The following ALOX5AP variants were observed in gnomAD, a reference collection of about 807,000 sequenced individuals.
ALOX5AP encodes the protein arachidonate 5-lipoxygenase activating protein, also known as arachidonate 5-lipoxygenase-activating protein.
Under a neutral mutation model 18.5 loss-of-function variants are expected in ALOX5AP, and 9 were observed. That is an observed-to-expected ratio of 0.49 (90% CI 0.29 to 0.85). The LOEUF is 0.85. ALOX5AP is among the 40% of genes least tolerant of loss of function. ALOX5AP has a pLI of 0.08. For missense variants in ALOX5AP, 172 were observed against 202.5 expected, an observed-to-expected ratio of 0.85 and a Z score of 0.91; for synonymous variants, 81 against 78.6, an observed-to-expected ratio of 1.03 and a Z score of -0.16.
chr13:30,740,181 C>T (rs1951751719), intron 1 of ALOX5AP, among the ~76,000 whole-genome samples: 1 of 152,218 alleles, frequency 6.6e-6, no homozygotes, highest in Non-Finnish European at 1.5e-5. Flanking sequence ...GGCATCGACT[C>T]TGTTAGAATA....
At chr13:30,725,981 T>C (rs1951636530) in intron 1 of ALOX5AP, among the ~76,000 whole-genome samples, 1 of 152,206 alleles carries the variant, frequency 6.6e-6, no homozygotes, top group Non-Finnish European at 1.5e-5. Context: ...TATGATGCTA[T>C]TTCTCCCATT....
chr13:30,741,555 C>T (rs1273919481), intron 1 of ALOX5AP, among the ~76,000 whole-genome samples: 4 of 48,184 alleles, frequency 8.3e-5, no homozygotes, highest in African/African-American at 4.7e-4. Flanking sequence ...TCCCCACCCC[C>T]ACCCCCCAAC....
Position 30,764,044 on chromosome 13 carries a change from G to T in ALOX5AP, c.424G>T (p.Asp142Tyr). ...NYYLIFFFGS[D>Y]FENYIKTIST... is the part of the protein sequence containing the mutation. ...TTACCTCATCTTCTTTTTCGGAAGT[G>T]ACTTTGAAAACTACATAAAGACGAT... Residue 142 changes from aspartate to tyrosine, a missense_variant, in exon 5 of 5, where the codon GAC (aspartate) becomes TAC (tyrosine). By Grantham distance (160) the Asp-to-Tyr change is radical. Transcript: ENST00000380490. 4 of 1,614,050 alleles carry T rather than the reference G, an allele frequency of 2.5e-6. No homozygotes were observed. Among genetic ancestry groups the T allele is most frequent in the Non-Finnish European group, 3.4e-6 (4 of 1,179,986 alleles).
chr13:30,734,569 C>T (rs1951705888), upstream of ALOX5AP, among the ~76,000 whole-genome samples: 2 of 152,236 alleles, frequency 1.3e-5, no homozygotes, highest in South Asian at 4.1e-4. Context: ...GAATACCAGG[C>T]AGCCACCTCA....
chr13:30,731,046 G>T (rs943295580), upstream of ALOX5AP, among the ~76,000 whole-genome samples: 1 of 152,224 alleles, frequency 6.6e-6, no homozygotes, highest in Non-Finnish European at 1.5e-5. Context: ...GGGTGGGCTC[G>T]CAGCCCTGTC....
chr13:30,729,830 C>T (rs552361196), intron 1 of ALOX5AP, among the ~76,000 whole-genome samples: 22 of 152,346 alleles, frequency 1.4e-4, no homozygotes, highest in African/African-American at 5.1e-4. Flanking sequence ...CCTGCCTCGG[C>T]CTCCCACAGT....
chr13:30,732,796 T>C (rs1951691824), upstream of ALOX5AP, among the ~76,000 whole-genome samples: 1 of 150,154 alleles, frequency 6.7e-6, no homozygotes, highest in Admixed American at 6.6e-5. Context: ...AGAGGAGAGA[T>C]TGGAAGAAAG....
chr13:30,716,103 C>A (rs1318435221), intron 1 of ALOX5AP, among the ~76,000 whole-genome samples: 3 of 152,222 alleles, frequency 2.0e-5, no homozygotes, highest in Non-Finnish European at 4.4e-5. Flanking sequence ...GAGAATCCCA[C>A]GTGGAGCTAC....
At chr13:30,719,354 C>T (rs536530568) in intron 1 of ALOX5AP, among the ~76,000 whole-genome samples, 14 of 152,286 alleles carry the variant, frequency 9.2e-5, no homozygotes, top group Non-Finnish European at 1.6e-4. Context: ...ACTCACAGGG[C>T]GTGACCTCTC....
intron 2 of ALOX5AP, among the ~76,000 whole-genome samples, chr13:30,751,769 G>A (rs1367975785): frequency 6.6e-6 from 1 of 152,178 alleles, no homozygotes; most frequent in African/African-American, 2.4e-5. Context: ...CCAGGAACAG[G>A]AACCCTGCCA....
chr13:30,737,611 T>A (rs1368489258), intron 1 of ALOX5AP, among the ~76,000 whole-genome samples: 1 of 152,186 alleles, frequency 6.6e-6, no homozygotes, highest in Non-Finnish European at 1.5e-5. Context: ...GGGGGCTTCC[T>A]GGTTGAAGAG....
intron 1 of ALOX5AP, among the ~76,000 whole-genome samples, chr13:30,741,831 G>GTTTGT (rs1951768178): frequency 7.5e-6 from 1 of 133,954 alleles, no homozygotes; most frequent in Non-Finnish European, 1.6e-5. Flanking sequence ...ATGGTTTTCT[G>GTTTGT]TTTTTTTTTT....
At chr13:30,763,128 C>T (rs949749433) in intron 4 of ALOX5AP, among the ~76,000 whole-genome samples, 9 of 152,102 alleles carry the variant, frequency 5.9e-5, no homozygotes, top group African/African-American at 1.4e-4. Flanking sequence ...GCTAACATGA[C>T]GAAACCTCAT....
At chr13:30,718,730 C>T (rs569323826) in intron 1 of ALOX5AP, among the ~76,000 whole-genome samples, 13 of 152,304 alleles carry the variant, frequency 8.5e-5, no homozygotes, top group African/African-American at 3.1e-4. Flanking sequence ...CATCAGTAGC[C>T]GGGATCAGGG....
At chr13:30,745,329 G>C (rs1002145010) in intron 2 of ALOX5AP, among the ~76,000 whole-genome samples, 1 of 152,110 alleles carries the variant, frequency 6.6e-6, no homozygotes, top group African/African-American at 2.4e-5. Context: ...CTCCGAAATC[G>C]CTGGGCCACT....
rs760495680 is a variant in ALOX5AP, at chr13:30,735,668, C to T, written c.63C>T (p.Val21=). ...CCATCGTCACCCTCATCAGCGTGGT[C>T]CAGAATGGTAAGGAAAGCCCTTCAC... ...LLAIVTLISV[V]QNGFFAHKVE... Residue 21 remains valine (V), a synonymous_variant, in exon 1 of 5, where the codon GTC becomes GTT. Coordinates refer to ENST00000380490, the MANE Select transcript of ALOX5AP (RefSeq NM_001629.4). 1.9e-6 allele frequency: 3 copies of T among 1,614,032 alleles called. No homozygotes were observed. The highest frequency in any genetic ancestry group is 3.3e-5 in the Admixed American group (2 of 60,014).
intron 1 of ALOX5AP, among the ~76,000 whole-genome samples, chr13:30,736,546 A>T (rs2137803210): frequency 6.6e-6 from 1 of 152,362 alleles, no homozygotes; most frequent in East Asian, 1.9e-4. Context: ...CTGTAGCTTT[A>T]TGGTGATTAC....
chr13:30,749,210 C>T (rs1029605805), intron 2 of ALOX5AP, among the ~76,000 whole-genome samples: 1 of 152,168 alleles, frequency 6.6e-6, no homozygotes, highest in African/African-American at 2.4e-5. Context: ...GACCCAATGT[C>T]AAATCACTAG....
chr13:30,760,613 T>C (rs1346303574), intron 4 of ALOX5AP, among the ~76,000 whole-genome samples: 2 of 152,228 alleles, frequency 1.3e-5, no homozygotes, highest in African/African-American at 4.8e-5. Flanking sequence ...TGCCCTGCAG[T>C]GCAAAGCACG....
Sources: allele counts gnomAD v4.1 joint callset (sites outside exome capture counted in the v4.1 genomes callset), GRCh38; gene constraint gnomAD v4.1.1; transcripts MANE v1.5; gene names NCBI Gene and HGNC (gene_info 2026-07-23, HGNC 2026-07-21).